The following POFUT3 variants were observed in gnomAD, a reference collection of about 807,000 sequenced individuals.
POFUT3 encodes the protein protein O-fucosyltransferase 3.
the POFUT3 span, among the ~76,000 whole-genome samples, chr8:33,355,410 C>T: frequency 6.6e-6 from 1 of 152,076 alleles, no homozygotes; most frequent in African/African-American, 2.4e-5. Flanking sequence ...ATTGCAGCAG[C>T]CTCCATCGAT....
At chr8:33,454,594 C>T in the POFUT3 span, among the ~76,000 whole-genome samples, 36 of 152,112 alleles carry the variant, frequency 2.4e-4, no homozygotes, top group African/African-American at 2.9e-4. Context: ...GAATGGCCAA[C>T]GATTCTACTA....
chr8:33,386,004 A>T, the POFUT3 span, among the ~76,000 whole-genome samples: 1 of 152,002 alleles, frequency 6.6e-6, no homozygotes, highest in African/African-American at 2.4e-5. Flanking sequence ...CCTGGTCAAC[A>T]TGGCGGAAAC....
the POFUT3 span, among the ~76,000 whole-genome samples, chr8:33,470,744 T>A: frequency 6.6e-6 from 1 of 152,326 alleles, no homozygotes; most frequent in Non-Finnish European, 1.5e-5. Context: ...TATATATTCA[T>A]GAATGAGGAG....
chr8:33,374,392 A>G, the POFUT3 span, among the ~76,000 whole-genome samples: 2 of 152,230 alleles, frequency 1.3e-5, no homozygotes, highest in African/African-American at 2.4e-5. Flanking sequence ...GGGACATTCT[A>G]CAAAATACTG....
the POFUT3 span, among the ~76,000 whole-genome samples, chr8:33,402,320 A>C: frequency 6.6e-6 from 1 of 152,350 alleles, no homozygotes; most frequent in Admixed American, 6.5e-5. Context: ...TACCAGGTAG[A>C]TATGGAAACT....
chr8:33,461,274 A>T, the POFUT3 span: 1 of 1,358,640 alleles, frequency 7.4e-7, no homozygotes, highest in East Asian at 2.4e-5. Flanking sequence ...CCCCTGATTC[A>T]GCAAAAAGTG....
At chr8:33,392,198 C>A in the POFUT3 span, among the ~76,000 whole-genome samples, 1 of 152,142 alleles carries the variant, frequency 6.6e-6, no homozygotes, top group Non-Finnish European at 1.5e-5. Context: ...CACATGCGTG[C>A]GCATGTGTGC....
chr8:33,471,278 C>A, the POFUT3 span, among the ~76,000 whole-genome samples: 1 of 151,966 alleles, frequency 6.6e-6, no homozygotes, highest in Non-Finnish European at 1.5e-5. Flanking sequence ...GAGACAGTCT[C>A]GCTCTGTTGC....
At chr8:33,389,122 T>G in the POFUT3 span, 22 of 1,614,222 alleles carry the variant, frequency 1.4e-5, no homozygotes, top group Admixed American at 1.0e-4. Flanking sequence ...GCTTCCATTC[T>G]ACATAGGCCT....
chr8:33,469,171 T>G, the POFUT3 span, among the ~76,000 whole-genome samples: 2 of 152,034 alleles, frequency 1.3e-5, no homozygotes, highest in African/African-American at 4.8e-5. Flanking sequence ...CTGGGTGTGG[T>G]GGTGCGTGCC....
the POFUT3 span, among the ~76,000 whole-genome samples, chr8:33,392,813 G>A: frequency 4.6e-5 from 7 of 151,576 alleles, no homozygotes; most frequent in East Asian, 5.9e-4. Flanking sequence ...GTGAAACCCC[G>A]TTTCTACTAA....
chr8:33,312,941 C>T, the POFUT3 span, among the ~76,000 whole-genome samples: 2 of 152,154 alleles, frequency 1.3e-5, no homozygotes, highest in East Asian at 3.9e-4. Flanking sequence ...TCGGATCTTG[C>T]TGCTTCTGCT....
the POFUT3 span, among the ~76,000 whole-genome samples, chr8:33,327,765 A>G: frequency 6.6e-6 from 1 of 152,100 alleles, no homozygotes; most frequent in Admixed American, 6.6e-5. Context: ...GATGAAGCAC[A>G]TTTTTCATGC....
the POFUT3 span, among the ~76,000 whole-genome samples, chr8:33,320,801 G>A: frequency 6.6e-6 from 1 of 152,066 alleles, no homozygotes; most frequent in Non-Finnish European, 1.5e-5. Context: ...AAGAGGTAGA[G>A]TCAGAAAACC....
the POFUT3 span, among the ~76,000 whole-genome samples, chr8:33,435,174 C>T: frequency 1.3e-4 from 19 of 151,926 alleles, no homozygotes; most frequent in African/African-American, 4.6e-4. Flanking sequence ...TAATATTTTA[C>T]TCATAATTTA....
At chr8:33,364,398 T>C in the POFUT3 span, among the ~76,000 whole-genome samples, 1 of 152,112 alleles carries the variant, frequency 6.6e-6, no homozygotes, top group Non-Finnish European at 1.5e-5. Flanking sequence ...TCCTATTCAA[T>C]ATACTGTTGG....
chr8:33,386,164 G>A, the POFUT3 span, among the ~76,000 whole-genome samples: 7 of 132,204 alleles, frequency 5.3e-5, no homozygotes, highest in East Asian at 1.6e-3. Context: ...ACTCCAGCCT[G>A]GACAACACAG....
the POFUT3 span, among the ~76,000 whole-genome samples, chr8:33,311,296 G>A: frequency 8.5e-5 from 13 of 152,308 alleles, no homozygotes; most frequent in African/African-American, 2.9e-4. Context: ...GTAATTGACA[G>A]AGGTCACAAT....
the POFUT3 span, among the ~76,000 whole-genome samples, chr8:33,449,938 T>TC: frequency 1.4e-5 from 2 of 145,050 alleles, no homozygotes; most frequent in Admixed American, 6.9e-5. Flanking sequence ...AGCTTTTCTT[T>TC]TTTTTTTTTT....
Sources: allele counts gnomAD v4.1 joint callset (sites outside exome capture counted in the v4.1 genomes callset), GRCh38; gene constraint gnomAD v4.1.1; transcripts MANE v1.5; gene names NCBI Gene and HGNC (gene_info 2026-07-23, HGNC 2026-07-21).